The following PLXDC2 variants were observed in gnomAD, a reference collection of about 807,000 sequenced individuals.
The protein encoded by PLXDC2 is plexin domain containing 2, also known as plexin domain-containing protein 2.
Under a neutral mutation model 68.9 loss-of-function variants are expected in PLXDC2, and 40 were observed. The observed-to-expected ratio is 0.58, with a 90% CI of 0.45 to 0.76. The LOEUF is 0.76. Among genes scored for constraint, PLXDC2 ranks in the 30% least tolerant of loss-of-function variants. The probability of loss-of-function intolerance (pLI) is 0.00; values close to 1 mark genes in which losing one functional copy is unlikely to be tolerated. For synonymous variants in PLXDC2, 243 were observed against 234.2 expected (o/e 1.04, Z -0.34); for missense variants, 644 against 661.9 (o/e 0.97, Z 0.30).
At chr10:19,885,419 G>T (rs1456546026) in intron 1 of PLXDC2, among the ~76,000 whole-genome samples, 1 of 152,158 alleles carries the variant, frequency 6.6e-6, no homozygotes, top group African/African-American at 2.4e-5. Flanking sequence ...TAGACATGAA[G>T]TCCTTGCCCG....
intron 13 of PLXDC2, among the ~76,000 whole-genome samples, chr10:20,277,917 C>T (rs1436961329): frequency 6.6e-6 from 1 of 152,066 alleles, no homozygotes; most frequent in Non-Finnish European, 1.5e-5. Context: ...TTCTTAGATC[C>T]CAGAAGTAAG....
chr10:20,162,042 AAGAGAGAGAGAGAGAG>A (rs139175193), intron 6 of PLXDC2, among the ~76,000 whole-genome samples: 36 of 72,414 alleles, frequency 5.0e-4, no homozygotes, highest in African/African-American at 1.4e-3. Flanking sequence ...GAAAGAAAGA[AAGAGAGAGAGAGAGAG>A]AGAGAGAGAG....
At chr10:20,006,585 A>G (rs893549286) in intron 2 of PLXDC2, among the ~76,000 whole-genome samples, 1 of 152,214 alleles carries the variant, frequency 6.6e-6, no homozygotes, top group African/African-American at 2.4e-5. Flanking sequence ...AAATAAAACA[A>G]CAACAACAAC....
intron 13 of PLXDC2, among the ~76,000 whole-genome samples, chr10:20,248,672 C>A (rs2119341860): frequency 6.6e-6 from 1 of 152,246 alleles, no homozygotes; most frequent in East Asian, 1.9e-4. Flanking sequence ...AGGTGATAAT[C>A]ATAAATTTAC....
At chr10:19,941,983 A>AG (rs1284665212) in intron 1 of PLXDC2, among the ~76,000 whole-genome samples, 1 of 152,082 alleles carries the variant, frequency 6.6e-6, no homozygotes, top group Non-Finnish European at 1.5e-5. Flanking sequence ...AGAAAAAAAA[A>AG]AAAAAAAGAA....
chr10:20,241,223 A>G (rs1835511436), intron 12 of PLXDC2, among the ~76,000 whole-genome samples: 1 of 152,242 alleles, frequency 6.6e-6, no homozygotes, highest in Admixed American at 6.5e-5. Flanking sequence ...GTCTAAATAA[A>G]GGTAGCGAGG....
Position 20,131,231 on chromosome 10 carries a change from C to G in PLXDC2, c.542-12064C>G, listed in dbSNP as rs1423856005. 2.1e-5 allele frequency among the ~76,000 whole-genome samples: 3 copies of G among 144,508 alleles called. No homozygotes were observed. In the Admixed American group the frequency reaches 2.1e-4, roughly 10 times the overall value. 94.8% of individuals were successfully genotyped at this position (144,508 alleles called of 152,430 possible). On this transcript the variant is annotated intron_variant, in intron 4 of 13. Transcript: ENST00000377252. ...GTTTCTTTTATCCATATTTTCTATT[C>G]TATTTAGTGTTTCTGTACTGTTCTG... is the stretch of plus-strand genomic sequence containing the variant.
At chr10:19,999,785 A>G (rs2131635882) in intron 1 of PLXDC2, among the ~76,000 whole-genome samples, 1 of 152,320 alleles carries the variant, frequency 6.6e-6, no homozygotes, top group South Asian at 2.1e-4. Flanking sequence ...ATATATAAAT[A>G]AAGCAAGTAA....
At position 19,816,929 on chromosome 10, in the gene PLXDC2, C is replaced by G. The variant is rs1157817707; in HGVS notation, c.-151C>G. On this transcript the variant is annotated 5_prime_UTR_variant, in exon 1 of 14. Coordinates refer to ENST00000377252, the MANE Select transcript of PLXDC2 (RefSeq NM_032812.9). ...GTTCGCTTCTTCCTCTTCTCGGTTC[C>G]CTACTGTGAAATCGCAGCGACATTT... The G allele has an allele frequency of 8.1e-6, 5 of 617,586 alleles. 1 individual carries two copies. In the Admixed American group the frequency reaches 1.4e-4, roughly 18 times the overall value. The allele number at this position is 617,586 out of a possible 1,614,324, so 38.3% of individuals were successfully genotyped here.
chr10:20,049,752 G>A (rs1414523933), intron 3 of PLXDC2, among the ~76,000 whole-genome samples: 2 of 152,116 alleles, frequency 1.3e-5, no homozygotes, highest in Non-Finnish European at 2.9e-5. Context: ...CTCATGGATA[G>A]GAAGAATCAA....
At chr10:20,256,322 G>A (rs192015671) in intron 13 of PLXDC2, among the ~76,000 whole-genome samples, 19 of 151,278 alleles carry the variant, frequency 1.3e-4, no homozygotes, top group Non-Finnish European at 1.6e-4. Flanking sequence ...TAGTAGAGAC[G>A]GGATTTTACC....
intron 1 of PLXDC2, among the ~76,000 whole-genome samples, chr10:19,870,120 G>A (rs1400348711): frequency 1.3e-5 from 2 of 152,184 alleles, no homozygotes; most frequent in African/African-American, 2.4e-5. Flanking sequence ...GCGACAAAGG[G>A]AACAAACTTG....
intron 2 of PLXDC2, among the ~76,000 whole-genome samples, chr10:20,022,821 G>A (rs1021528886): frequency 1.3e-5 from 2 of 152,062 alleles, no homozygotes; most frequent in African/African-American, 4.8e-5. Context: ...TTGTGAATTT[G>A]AAGGTGAAAA....
chr10:20,179,342 G>T (rs1320175372), intron 9 of PLXDC2, among the ~76,000 whole-genome samples: 2 of 152,026 alleles, frequency 1.3e-5, no homozygotes, highest in Non-Finnish European at 2.9e-5. Context: ...TATCCAATTT[G>T]CCCTTATATC....
At chr10:19,935,134 C>T (rs1833701584) in intron 1 of PLXDC2, among the ~76,000 whole-genome samples, 1 of 152,182 alleles carries the variant, frequency 6.6e-6, no homozygotes, top group Admixed American at 6.5e-5. Context: ...GCAACTACTG[C>T]ACACACAACC....
At chr10:20,045,793 T>G (rs186085478) in intron 2 of PLXDC2, among the ~76,000 whole-genome samples, 8 of 152,292 alleles carry the variant, frequency 5.3e-5, no homozygotes, top group African/African-American at 1.9e-4. Flanking sequence ...ACATTTTTTC[T>G]TACATTTACC....
chr10:20,090,695 A>G (rs975962298), intron 4 of PLXDC2, among the ~76,000 whole-genome samples: 4 of 152,166 alleles, frequency 2.6e-5, no homozygotes, highest in Non-Finnish European at 5.9e-5. Flanking sequence ...ATACTTGTGA[A>G]TATTCCATTA....
Position 19,836,220 on chromosome 10 carries a change from G to T in PLXDC2, c.112+19029G>T, listed in dbSNP as rs534482342. Among the ~76,000 whole-genome samples, 7 of 152,116 alleles carry T rather than the reference G, an allele frequency of 4.6e-5. No homozygotes were observed. The Middle Eastern group carries it at 0.01, about 222-fold the overall frequency. On this transcript the variant is annotated intron_variant, in intron 1 of 13. Coordinates refer to ENST00000377252, the MANE Select transcript of PLXDC2 (RefSeq NM_032812.9). ...GAGTATGGTTGGGAAGTAAATGACA[G>T]AGAGGGAGTGGCCAGAGGGGAACAT...
intron 1 of PLXDC2, among the ~76,000 whole-genome samples, chr10:19,823,525 T>TA (rs765323618): frequency 4.6e-5 from 7 of 151,204 alleles, no homozygotes; most frequent in African/African-American, 1.7e-4. Flanking sequence ...TCCCTAAAAA[T>TA]AAAAAAAATT....
Sources: allele counts gnomAD v4.1 joint callset (sites outside exome capture counted in the v4.1 genomes callset), GRCh38; gene constraint gnomAD v4.1.1; transcripts MANE v1.5; gene names NCBI Gene and HGNC (gene_info 2026-07-23, HGNC 2026-07-21).